Variants in LRRC4C observed in about 807,000 individuals in gnomAD.
LRRC4C encodes leucine rich repeat containing 4C.
In LRRC4C, 5 loss-of-function variants were observed where a neutral mutation model predicts 33.6. The observed-to-expected ratio is 0.15, with a 90% confidence interval of 0.08 to 0.31. LRRC4C has a LOEUF of 0.31. LRRC4C is among the 10% of genes least tolerant of loss of function. The pLI is 1.00. For synonymous variants in LRRC4C, 329 were observed against 302.0 expected, an observed-to-expected ratio of 1.09 and a Z score of -0.93; for missense variants, 560 against 796.7, an observed-to-expected ratio of 0.70 and a Z score of 3.58.
intron 1 of LRRC4C, among the ~76,000 whole-genome samples, chr11:40,964,971 G>A (rs1851239354): frequency 6.6e-6 from 1 of 152,074 alleles, no homozygotes; most frequent in Non-Finnish European, 1.5e-5. Flanking sequence ...GATTGAACTA[G>A]TTTACAGTCC....
chr11:40,147,095 G>T (rs923193038), intron 5 of LRRC4C, among the ~76,000 whole-genome samples: 2 of 152,146 alleles, frequency 1.3e-5, no homozygotes, highest in Non-Finnish European at 2.9e-5. Flanking sequence ...GGGAATTATA[G>T]CTGCTGCCTC....
At chr11:40,134,892 T>C (rs548576879) in intron 6 of LRRC4C, among the ~76,000 whole-genome samples, 1 of 152,298 alleles carries the variant, frequency 6.6e-6, no homozygotes, top group South Asian at 2.1e-4. Context: ...GTTTTCAGCA[T>C]GACTTAAGAG....
chr11:40,473,804 C>T (rs1953067097), intron 3 of LRRC4C, among the ~76,000 whole-genome samples: 1 of 152,014 alleles, frequency 6.6e-6, no homozygotes, highest in Non-Finnish European at 1.5e-5. Context: ...TCCTCTACAC[C>T]ATAATAGACA....
chr11:40,476,713 A>G (rs1953254448), intron 3 of LRRC4C, among the ~76,000 whole-genome samples: 1 of 152,298 alleles, frequency 6.6e-6, no homozygotes, highest in South Asian at 2.1e-4. Context: ...TAAGGGCTGT[A>G]AAATAACAAA....
At chr11:40,281,120 G>A (rs193283415) in intron 4 of LRRC4C, among the ~76,000 whole-genome samples, 1 of 152,256 alleles carries the variant, frequency 6.6e-6, no homozygotes, top group East Asian at 1.9e-4. Context: ...TGAAAAACAT[G>A]TAACTTCTGC....
At chr11:40,689,807 T>C (rs1297613818) in intron 2 of LRRC4C, among the ~76,000 whole-genome samples, 1 of 152,134 alleles carries the variant, frequency 6.6e-6, no homozygotes, top group Non-Finnish European at 1.5e-5. Context: ...ATTACTAATA[T>C]ACATTCTATC....
intron 2 of LRRC4C, among the ~76,000 whole-genome samples, chr11:40,710,745 G>C (rs12578092): frequency 6.6e-6 from 1 of 151,998 alleles, no homozygotes; most frequent in Non-Finnish European, 1.5e-5. Flanking sequence ...GTCAGACAGG[G>C]ACATTTAAGT....
chr11:40,652,415 A>G (rs2136156775), intron 2 of LRRC4C, among the ~76,000 whole-genome samples: 1 of 152,354 alleles, frequency 6.6e-6, no homozygotes, highest in East Asian at 1.9e-4. Flanking sequence ...TTGTATAGGA[A>G]GAGATACTTG....
chr11:41,204,938 A>G (rs11036287), intron 1 of LRRC4C, among the ~76,000 whole-genome samples: 4,915 of 152,302 alleles, frequency 0.032, 282 homozygotes, highest in African/African-American at 0.11. Context: ...AGTGTTGCCC[A>G]CTTTAGATGA....
At chr11:41,100,874 C>T (rs1253193381) in intron 1 of LRRC4C, among the ~76,000 whole-genome samples, 2 of 151,974 alleles carry the variant, frequency 1.3e-5, no homozygotes, top group South Asian at 2.1e-4. Flanking sequence ...ATAGAGAGCC[C>T]AGAATTAAAG....
intron 2 of LRRC4C, among the ~76,000 whole-genome samples, chr11:40,924,800 A>C (rs1957344965): frequency 6.6e-6 from 1 of 152,180 alleles, no homozygotes; most frequent in Admixed American, 6.5e-5. Flanking sequence ...GTATTTTAAA[A>C]ATAATCTCTC....
chr11:40,949,839 A>G (rs1421381532), intron 1 of LRRC4C, among the ~76,000 whole-genome samples: 1 of 152,052 alleles, frequency 6.6e-6, no homozygotes, highest in African/African-American at 2.4e-5. Flanking sequence ...TAACATCATA[A>G]TGACAGGATC....
chr11:40,381,954 G>GTTTTTTTTTTT (rs34415574), intron 3 of LRRC4C, among the ~76,000 whole-genome samples: 1 of 85,884 alleles, frequency 1.2e-5, no homozygotes, highest in Non-Finnish European at 2.1e-5. Context: ...ATCAGTCAGC[G>GTTTTTTTTTTT]TTTTTTTTTT....
intron 2 of LRRC4C, among the ~76,000 whole-genome samples, chr11:40,862,248 G>C (rs1289878246): frequency 6.6e-6 from 1 of 152,100 alleles, no homozygotes; most frequent in Non-Finnish European, 1.5e-5. Context: ...ATAGAAGGTA[G>C]GTGTTTGAAG....
At chr11:40,657,820 C>A (rs1943210565) in intron 2 of LRRC4C, among the ~76,000 whole-genome samples, 1 of 152,192 alleles carries the variant, frequency 6.6e-6, no homozygotes, top group African/African-American at 2.4e-5. Flanking sequence ...AATAAACTTT[C>A]TAAATTAACT....
At chr11:40,835,979 T>C (rs1236554609) in intron 2 of LRRC4C, among the ~76,000 whole-genome samples, 1 of 152,182 alleles carries the variant, frequency 6.6e-6, no homozygotes, top group Non-Finnish European at 1.5e-5. Context: ...ACATACTTCA[T>C]ATTTATAGCA....
At chr11:40,392,876 G>A (rs371112034) in intron 3 of LRRC4C, among the ~76,000 whole-genome samples, 2 of 151,878 alleles carry the variant, frequency 1.3e-5, no homozygotes, top group Non-Finnish European at 1.5e-5. Context: ...CTGAGTGCTC[G>A]CGAAATGCCC....
At chr11:40,522,329 C>T (rs1389665162) in intron 3 of LRRC4C, among the ~76,000 whole-genome samples, 1 of 152,184 alleles carries the variant, frequency 6.6e-6, no homozygotes, top group Non-Finnish European at 1.5e-5. Context: ...GGCGCCTGGC[C>T]AGAAGATGAA....
intron 3 of LRRC4C, among the ~76,000 whole-genome samples, chr11:40,577,306 T>C (rs1203697369): frequency 6.6e-6 from 1 of 152,190 alleles, no homozygotes; most frequent in Non-Finnish European, 1.5e-5. Context: ...AAATACCCTC[T>C]GCACTTTTCA....
Sources: allele counts gnomAD v4.1 joint callset (sites outside exome capture counted in the v4.1 genomes callset), GRCh38; gene constraint gnomAD v4.1.1; transcripts MANE v1.5; gene names NCBI Gene and HGNC (gene_info 2026-07-23, HGNC 2026-07-21).